Variants in FILIP1 observed in about 807,000 individuals in gnomAD.
FILIP1 encodes the protein filamin A interacting protein 1, also known as filamin-A-interacting protein 1.
FILIP1 carries 61 observed loss-of-function variants against 102.1 expected under a neutral mutation model. The observed-to-expected ratio is 0.60, with a 90% CI of 0.49 to 0.74. The LOEUF is 0.74. Ranked by LOEUF, FILIP1 falls within the 30% of genes least tolerant of loss-of-function variation. The pLI is 0.00. For synonymous variants in FILIP1, 491 were observed against 526.9 expected, an observed-to-expected ratio of 0.93 and a Z score of 0.93; for missense variants, 1,314 against 1,441.2, an observed-to-expected ratio of 0.91 and a Z score of 1.43.
intron 2 of FILIP1, among the ~76,000 whole-genome samples, chr6:75,372,685 GAGAA>G (rs1323660400): frequency 4.3e-5 from 1 of 23,480 alleles, no homozygotes; most frequent in South Asian, 1.4e-3. Context: ...AAGAAAGAAA[GAGAA>G]AGAAAGAGAA....
chr6:75,403,514 CAAA>C (rs766214016), intron 2 of FILIP1, among the ~76,000 whole-genome samples: 1 of 28,826 alleles, frequency 3.5e-5, no homozygotes, highest in East Asian at 7.0e-4. Context: ...CTCTGTCCCA[CAAA>C]AAAAAAAAAA....
chr6:75,370,822 C>T (rs1359542333), intron 2 of FILIP1, among the ~76,000 whole-genome samples: 1 of 152,008 alleles, frequency 6.6e-6, no homozygotes, highest in East Asian at 1.9e-4. Flanking sequence ...AGCAATCTGC[C>T]CACCTCAGCC....
Position 75,395,710 on chromosome 6 carries a change from G to A in FILIP1, c.276+18987C>T, listed in dbSNP as rs17409678. Among the ~76,000 whole-genome samples, 1,369 of 152,270 alleles carry A rather than the reference G, an allele frequency of 9.0e-3. 27 individuals are homozygous for A. Among genetic ancestry groups the A allele is most frequent in the South Asian group, 0.029 (139 of 4,826 alleles). On this transcript the variant is annotated intron_variant, in intron 2 of 5. Coordinates refer to ENST00000237172, the MANE Select transcript of FILIP1 (RefSeq NM_015687.5). ...ACTTGTCTTGTTTTATAATTAAAAC[G>A]TGATTCCTGAGCATGTGATTACAAT...
At chr6:75,479,060 A>C (rs1200637345) in intron 1 of FILIP1, among the ~76,000 whole-genome samples, 1 of 152,158 alleles carries the variant, frequency 6.6e-6, no homozygotes, top group Non-Finnish European at 1.5e-5. Context: ...ACACTTAAGG[A>C]CTATGCAGCC....
chr6:75,485,154 T>C (rs1355511835), intron 1 of FILIP1, among the ~76,000 whole-genome samples: 3 of 152,326 alleles, frequency 2.0e-5, no homozygotes, highest in African/African-American at 7.2e-5. Flanking sequence ...CTGAGTTTAT[T>C]GTAAAGAAAT....
chr6:75,489,535 T>C lies in FILIP1; in HGVS notation c.-7+3879A>G, dbSNP rs560729366. 5.3e-5 allele frequency among the ~76,000 whole-genome samples: 8 copies of C among 152,258 alleles called. No homozygotes were observed. The East Asian group carries it at 1.5e-3, about 29-fold the overall frequency. ...AGCTTAAATTTATTGAAGAATAAAT[T>C]ATAAACTATAGATTTTATAAGTCAT... is the stretch of plus-strand genomic sequence containing the variant. On this transcript the variant is annotated intron_variant, in intron 1 of 5. Coordinates refer to ENST00000237172, the MANE Select transcript of FILIP1 (RefSeq NM_015687.5).
At chr6:75,403,332 C>T (rs372153518) in intron 2 of FILIP1, among the ~76,000 whole-genome samples, 7 of 151,452 alleles carry the variant, frequency 4.6e-5, no homozygotes, top group Non-Finnish European at 7.4e-5. Context: ...TAGGCAACAT[C>T]GTGAGACCCC....
chr6:75,491,545 T>C (rs532896776), intron 1 of FILIP1, among the ~76,000 whole-genome samples: 1 of 152,270 alleles, frequency 6.6e-6, no homozygotes, highest in African/African-American at 2.4e-5. Flanking sequence ...AGCATTGTTA[T>C]AATCCAAACT....
Position 75,308,187 on chromosome 6 carries a change from G to A in FILIP1, c.*504C>T. On this transcript the variant is annotated 3_prime_UTR_variant, in exon 6 of 6. Coordinates refer to ENST00000237172, the MANE Select transcript of FILIP1 (RefSeq NM_015687.5). ...GCAAAATTTTAGAGGTCCAGGCCCT[G>A]TGATAGCTATGTGATGTTTTTTCCA... 1 of 987,900 alleles carries A rather than the reference G, an allele frequency of 1.0e-6. No individual in the cohort carries two copies. Among genetic ancestry groups the A allele is most frequent in the Middle Eastern group, 5.2e-4 (1 of 1,916 alleles). The allele number at this position is 987,900 out of a possible 1,614,324, so 61.2% of individuals were successfully genotyped here. A position where few individuals can be genotyped will look rare whatever the true frequency, so the allele number is the denominator to read the frequency against.
At chr6:75,412,042 C>T (rs956178112) in intron 2 of FILIP1, among the ~76,000 whole-genome samples, 1 of 151,488 alleles carries the variant, frequency 6.6e-6, no homozygotes, top group African/African-American at 2.4e-5. Flanking sequence ...TTCTTCCTAT[C>T]CATGAGCATG....
At chr6:75,488,206 G>A (rs750953172) in intron 1 of FILIP1, among the ~76,000 whole-genome samples, 2 of 152,080 alleles carry the variant, frequency 1.3e-5, no homozygotes, top group Non-Finnish European at 2.9e-5. Context: ...GGGGGATGCT[G>A]GTTTATGTTG....
At chr6:75,409,419 G>A (rs563334351) in intron 2 of FILIP1, among the ~76,000 whole-genome samples, 99 of 152,274 alleles carry the variant, frequency 6.5e-4, no homozygotes, top group Admixed American at 1.5e-3. Flanking sequence ...TAGCATGGCT[G>A]ACTCTATCTT....
intron 4 of FILIP1, among the ~76,000 whole-genome samples, chr6:75,338,852 A>G (rs1774330101): frequency 6.6e-6 from 1 of 152,190 alleles, no homozygotes; most frequent in African/African-American, 2.4e-5. Context: ...AATGCGGGGA[A>G]CAAAAACTCC....
At chr6:75,441,830 G>C (rs1307282234) in intron 1 of FILIP1, among the ~76,000 whole-genome samples, 1 of 148,200 alleles carries the variant, frequency 6.7e-6, no homozygotes, top group South Asian at 2.1e-4. Context: ...CTGGCCGGGC[G>C]GGGGGCTGGC....
intron 2 of FILIP1, among the ~76,000 whole-genome samples, chr6:75,367,152 G>A (rs993392355): frequency 2.0e-5 from 3 of 151,848 alleles, no homozygotes; most frequent in African/African-American, 4.8e-5. Flanking sequence ...TTCCTCCCCC[G>A]AAATACACTT....
At position 75,314,639 on chromosome 6, in the gene FILIP1, G is replaced by A; in HGVS notation, c.1193C>T (p.Thr398Ile). 3 of 1,613,626 alleles carry A rather than the reference G, an allele frequency of 1.9e-6. No homozygotes were observed. ...LEMEGKDEEITKTESQCRELR... is the reference protein window; with the variant it reads ...LEMEGKDEEIIKTESQCRELR... The stretch of plus-strand genomic sequence containing the variant: ...TTCCCTACACTGGGATTCAGTTTTA[G>A]TGATCTCCTCATCTTTACCTTCCAT... The change falls in exon 5 of 6, where the codon ACT (threonine) becomes ATT (isoleucine). Residue 398 changes from threonine to isoleucine, a missense_variant. Physicochemically the swap from Thr to Ile is moderately conservative, Grantham distance 89 (BLOSUM62 -1). Transcript: ENST00000237172.
At chr6:75,351,684 G>A (rs1300753015) in intron 4 of FILIP1, among the ~76,000 whole-genome samples, 1 of 152,174 alleles carries the variant, frequency 6.6e-6, no homozygotes, top group Non-Finnish European at 1.5e-5. Context: ...TAGCCTAGGT[G>A]TGCAGTTGGC....
intron 1 of FILIP1, among the ~76,000 whole-genome samples, chr6:75,480,248 C>T (rs1021380905): frequency 6.8e-5 from 4 of 58,542 alleles, no homozygotes; most frequent in Admixed American, 5.3e-4. Flanking sequence ...GATTTGAAAT[C>T]TTTTTTATAA....
intron 4 of FILIP1, among the ~76,000 whole-genome samples, chr6:75,335,809 A>G (rs191450472): frequency 2.0e-4 from 31 of 152,316 alleles, no homozygotes; most frequent in Middle Eastern, 3.4e-3. Flanking sequence ...GTTATGGCAT[A>G]GAAAAGAATA....
Sources: allele counts gnomAD v4.1 joint callset (sites outside exome capture counted in the v4.1 genomes callset), GRCh38; gene constraint gnomAD v4.1.1; transcripts MANE v1.5; gene names NCBI Gene and HGNC (gene_info 2026-07-23, HGNC 2026-07-21).